Variants in ST18 observed in about 807,000 individuals in gnomAD.
ST18 encodes the protein ST18 C2H2C-type zinc finger transcription factor, also known as suppression of tumorigenicity 18 protein.
ST18 carries 50 observed loss-of-function variants against 110.0 expected under a neutral mutation model. That is an observed-to-expected ratio of 0.45 (90% CI 0.36 to 0.58). The LOEUF is 0.58. ST18 is among the 20% of genes least tolerant of loss of function. The pLI, the probability that ST18 is intolerant of heterozygous loss-of-function variation, is 0.00. For missense variants in ST18, 1,306 were observed against 1,280.1 expected (o/e 1.02, Z -0.31); for synonymous variants, 461 against 452.4 (o/e 1.02, Z -0.24).
At chr8:52,351,777 G>C (rs1820434529) in intron 2 of ST18, among the ~76,000 whole-genome samples, 1 of 152,126 alleles carries the variant, frequency 6.6e-6, no homozygotes, top group Non-Finnish European at 1.5e-5. Context: ...ATCTAGCTTT[G>C]ATTTATTTTG....
At chr8:52,245,727 C>T (rs940665895) in intron 2 of ST18, among the ~76,000 whole-genome samples, 1 of 152,002 alleles carries the variant, frequency 6.6e-6, no homozygotes, top group Non-Finnish European at 1.5e-5. Flanking sequence ...ATTTGGAGAA[C>T]CTATATTTAG....
At chr8:52,117,796 T>A (rs939902647) in intron 24 of ST18, among the ~76,000 whole-genome samples, 2 of 152,184 alleles carry the variant, frequency 1.3e-5, no homozygotes, top group Non-Finnish European at 2.9e-5. Context: ...ATGATTCATG[T>A]TTTAAAAATC....
At position 52,136,666 on chromosome 8, in the gene ST18, G is replaced by A; in HGVS notation, c.2232-8C>T. The stretch of plus-strand genomic sequence containing the variant: ...AAAGGACATCCAGAAACACTAGAGA[G>A]GGATGAGGAAAAAAACACAACACAA... On this transcript the variant is annotated splice_region_variant and splice_polypyrimidine_tract_variant and intron_variant, in intron 18 of 25. Coordinates refer to ENST00000689386, the MANE Select transcript of ST18 (RefSeq NM_001352837.2). 2 of 1,602,154 alleles carry A rather than the reference G, an allele frequency of 1.2e-6. No homozygotes were observed. Among genetic ancestry groups the A allele is most frequent in the South Asian group, 1.1e-5 (1 of 88,270 alleles).
At position 52,180,275 on chromosome 8, in the gene ST18, C is replaced by A. The variant is rs764626199; in HGVS notation, c.124G>T (p.Ala42Ser). Residue 42 changes from alanine to serine, a missense_variant, in exon 9 of 26, where the codon GCT (alanine) becomes TCT (serine). Coordinates refer to ENST00000689386, the MANE Select transcript of ST18 (RefSeq NM_001352837.2). Reference sequence around the variant, plus strand: ...GGAACCCCCAAAGCCTGATCTTCAGCTGTTCTCTTCTTTGCCATGGAGCAA... The same window carrying A: ...GGAACCCCCAAAGCCTGATCTTCAGATGTTCTCTTCTTTGCCATGGAGCAA... ...YDCSMAKKRT[A>S]EDQALGVPVN... 6.2e-7 allele frequency: 1 copy of A among 1,614,170 alleles called. No homozygotes were observed. The highest frequency in any genetic ancestry group is 8.5e-7 in the Non-Finnish European group (1 of 1,180,020).
chr8:52,266,961 G>T (rs1410149645), intron 2 of ST18, among the ~76,000 whole-genome samples: 1 of 152,158 alleles, frequency 6.6e-6, no homozygotes, highest in Non-Finnish European at 1.5e-5. Context: ...CTCTGGAGAG[G>T]AGAAAGATTA....
At chr8:52,371,398 A>G (rs1297098944) in intron 2 of ST18, among the ~76,000 whole-genome samples, 1 of 152,222 alleles carries the variant, frequency 6.6e-6, no homozygotes, top group Non-Finnish European at 1.5e-5. Context: ...TTGAACATCA[A>G]TTGTCAAACA....
chr8:52,315,248 C>A (rs553637029), intron 2 of ST18, among the ~76,000 whole-genome samples: 2 of 152,310 alleles, frequency 1.3e-5, no homozygotes, highest in South Asian at 4.1e-4. Flanking sequence ...CCATGGTGAT[C>A]CTCTCTTCTG....
chr8:52,323,742 T>C (rs1805032768), intron 2 of ST18, among the ~76,000 whole-genome samples: 1 of 152,168 alleles, frequency 6.6e-6, no homozygotes, highest in Admixed American at 6.5e-5. Context: ...AGGGGGAGGC[T>C]GGGTGGGGTG....
intron 2 of ST18, among the ~76,000 whole-genome samples, chr8:52,371,275 T>A (rs914493915): frequency 2.0e-5 from 3 of 152,202 alleles, no homozygotes; most frequent in African/African-American, 7.2e-5. Context: ...TGAGAGAATT[T>A]AATGAGCTAG....
At chr8:52,142,264 C>A (rs1218802029) in intron 17 of ST18, among the ~76,000 whole-genome samples, 1 of 151,952 alleles carries the variant, frequency 6.6e-6, no homozygotes, top group Non-Finnish European at 1.5e-5. Flanking sequence ...CAGGTGGAAG[C>A]TGGGTCAGGA....
rs571458732 is a variant in ST18 at position 52,178,112 on chromosome 8, T to C, written c.277+2010A>G. Among the ~76,000 whole-genome samples the C allele has an allele frequency of 2.6e-5, 4 of 152,300 alleles. No homozygotes were observed. In the South Asian group the frequency reaches 8.3e-4, roughly 32 times the overall value. On this transcript the variant is annotated intron_variant, in intron 9 of 25. Coordinates refer to ENST00000689386, the MANE Select transcript of ST18 (RefSeq NM_001352837.2). ...ATTCACTTGGTTCATATCAAACATG[T>C]ACAGTGGTCAACAAACTACAATAGA... is the stretch of plus-strand genomic sequence containing the variant.
intron 7 of ST18, 151 bp downstream of exon 7, chr8:52,214,052 G>T (rs978362415): frequency 4.1e-5 from 31 of 754,646 alleles, no homozygotes; most frequent in Non-Finnish European, 2.1e-6. Context: ...TTGCCTCTCC[G>T]TGCCAAGAGC....
chr8:52,140,826 T>C (rs2054720303), intron 17 of ST18, among the ~76,000 whole-genome samples: 1 of 152,198 alleles, frequency 6.6e-6, no homozygotes, highest in African/African-American at 2.4e-5. Context: ...GGATGACTTT[T>C]AGCAATTTCC....
At chr8:52,382,194 G>T (rs1001631664) in intron 2 of ST18, among the ~76,000 whole-genome samples, 5 of 152,080 alleles carry the variant, frequency 3.3e-5, no homozygotes, top group African/African-American at 1.2e-4. Flanking sequence ...AGATTACCAG[G>T]ACCGTGTGAT....
At chr8:52,327,514 G>A (rs1391881183) in intron 2 of ST18, among the ~76,000 whole-genome samples, 1 of 152,176 alleles carries the variant, frequency 6.6e-6, no homozygotes, top group Non-Finnish European at 1.5e-5. Flanking sequence ...GTAGCAACTT[G>A]AATTTCCAAC....
intron 9 of ST18, among the ~76,000 whole-genome samples, chr8:52,177,611 C>T (rs1330535577): frequency 3.3e-5 from 5 of 152,190 alleles, no homozygotes; most frequent in Admixed American, 3.3e-4. Flanking sequence ...TGGGGCCTGC[C>T]ATTACTGGAA....
rs140589885 is a variant in ST18, at chr8:52,274,341, A to G, written c.-464-44264T>C. 3.5e-3 allele frequency among the ~76,000 whole-genome samples: 532 copies of G among 152,274 alleles called. 3 individuals carry two copies. Among genetic ancestry groups the G allele is most frequent in the South Asian group, 0.019 (91 of 4,822 alleles). ...TGTAGATAAAATGTTTTACGTAGAT[A>G]AGACATTCACACGTGTATATACATA... On this transcript the variant is annotated intron_variant, in intron 2 of 25. Coordinates refer to ENST00000689386, the MANE Select transcript of ST18 (RefSeq NM_001352837.2).
chr8:52,208,379 C>A (rs2080882651), intron 8 of ST18, among the ~76,000 whole-genome samples: 1 of 151,906 alleles, frequency 6.6e-6, no homozygotes, highest in South Asian at 2.1e-4. Context: ...TCACAACAAA[C>A]CTGTGGAAAA....
intron 16 of ST18, among the ~76,000 whole-genome samples, chr8:52,147,854 G>A (rs1028403515): frequency 5.3e-5 from 8 of 152,270 alleles, no homozygotes; most frequent in South Asian, 2.1e-4. Flanking sequence ...GAATTGAAGC[G>A]CATTCCCTTA....
Sources: gnomAD v4.1 joint callset for allele counts (sites outside exome capture counted in the v4.1 genomes callset) on GRCh38, gnomAD v4.1.1 for gene constraint, MANE v1.5 for transcripts, NCBI Gene and HGNC (gene_info 2026-07-23, HGNC 2026-07-21) for gene names.